The following SHTN1 variants were observed in gnomAD, a reference collection of about 807,000 sequenced individuals.
The protein encoded by SHTN1 is shootin 1.
A neutral mutation model predicts 83.1 loss-of-function variants in SHTN1; 42 were observed. The observed-to-expected ratio is 0.51, with a 90% confidence interval of 0.39 to 0.65. The LOEUF is 0.65. Ranked by LOEUF, SHTN1 falls within the 30% of genes least tolerant of loss-of-function variation. SHTN1 has a pLI of 0.00. For synonymous variants in SHTN1, 224 were observed against 247.7 expected (o/e 0.90, Z 0.90); for missense variants, 622 against 737.8 (o/e 0.84, Z 1.82).
intron 14 of SHTN1, chr10:116,911,403 A>G (rs946561863): frequency 1.3e-6 from 2 of 1,492,336 alleles, no homozygotes; most frequent in Non-Finnish European, 9.0e-7. Context: ...TTAGCTTCAC[A>G]TTTAGGATTC....
chr10:117,065,913 GA>G (rs1447156468), intron 1 of SHTN1, among the ~76,000 whole-genome samples: 4 of 123,294 alleles, frequency 3.2e-5, no homozygotes, highest in African/African-American at 5.9e-5. Flanking sequence ...GGGGAGGGGG[GA>G]AAAATTAGGC....
chr10:117,089,249 G>A (rs1853394047), intron 1 of SHTN1, among the ~76,000 whole-genome samples: 1 of 152,140 alleles, frequency 6.6e-6, no homozygotes, highest in East Asian at 1.9e-4. Context: ...TATGTGGTGT[G>A]TACATTTTTC....
chr10:117,099,475 T>C (rs1262033587), intron 1 of SHTN1, among the ~76,000 whole-genome samples: 1 of 152,208 alleles, frequency 6.6e-6, no homozygotes. Context: ...ATCACTTCAC[T>C]GATTTTGCTC....
chr10:117,004,944 G>T, intron 1 of SHTN1, 78 bp downstream of exon 1: 1 of 1,373,576 alleles, frequency 7.3e-7, no homozygotes, highest in Non-Finnish European at 1.0e-6. Context: ...GCTTCCAACT[G>T]CCCTGGCCCC....
rs138597549 is a variant in SHTN1 at position 117,029,720 on chromosome 10, C to T, written c.-123+18725G>A. ...CTCCAGCCTTCTGAAGTGCTGGCTC[C>T]CCCATCGCTTTCTGCCATGATTGCA... On this transcript the variant is annotated intron_variant, in intron 2 of 17. Coordinates refer to the SHTN1 transcript ENST00000392901. Among the ~76,000 whole-genome samples the T allele has an allele frequency of 5.4e-3, 827 of 152,214 alleles. 11 individuals carry two copies. The highest frequency in any genetic ancestry group is 0.019 in the African/African-American group (778 of 41,518).
intron 2 of SHTN1, among the ~76,000 whole-genome samples, chr10:117,034,558 T>A (rs1270453340): frequency 6.6e-6 from 1 of 152,036 alleles, no homozygotes; most frequent in Non-Finnish European, 1.5e-5. Context: ...GGAGAATCGC[T>A]TGAACCTGGG....
chr10:117,007,659 T>C (rs1852043401), upstream of SHTN1, among the ~76,000 whole-genome samples: 1 of 151,638 alleles, frequency 6.6e-6, no homozygotes, highest in South Asian at 2.1e-4. Context: ...TTATTGGGAT[T>C]CAGTTCTCCC....
At chr10:116,894,007 G>A (rs890548816) in intron 16 of SHTN1, among the ~76,000 whole-genome samples, 3 of 152,106 alleles carry the variant, frequency 2.0e-5, no homozygotes, top group African/African-American at 7.2e-5. Context: ...CAGAAATACT[G>A]AATGAAGAGA....
intron 16 of SHTN1, among the ~76,000 whole-genome samples, chr10:116,892,917 C>G (rs2133306320): frequency 6.6e-6 from 1 of 152,258 alleles, no homozygotes; most frequent in South Asian, 2.1e-4. Flanking sequence ...GTACCGAAAG[C>G]AATTTGGTTC....
At chr10:117,040,874 A>G (rs1217676690) in intron 2 of SHTN1, among the ~76,000 whole-genome samples, 2 of 151,980 alleles carry the variant, frequency 1.3e-5, no homozygotes, top group South Asian at 4.1e-4. Flanking sequence ...TTCTCATGCC[A>G]TATTAAAATA....
At chr10:116,893,102 T>C (rs1245528006) in intron 16 of SHTN1, among the ~76,000 whole-genome samples, 1 of 152,236 alleles carries the variant, frequency 6.6e-6, no homozygotes, top group Non-Finnish European at 1.5e-5. Flanking sequence ...ATTTTTACAC[T>C]AGGTGTAATA....
upstream of SHTN1, among the ~76,000 whole-genome samples, chr10:117,009,519 G>C (rs991244667): frequency 2.0e-5 from 3 of 152,004 alleles, no homozygotes; most frequent in Non-Finnish European, 4.4e-5. Flanking sequence ...ATTAATATCA[G>C]ACAAAACAGA....
At chr10:116,888,448 G>C (rs1245644123) in intron 16 of SHTN1, among the ~76,000 whole-genome samples, 1 of 152,210 alleles carries the variant, frequency 6.6e-6, no homozygotes, top group Non-Finnish European at 1.5e-5. Context: ...TAAATCTGCT[G>C]CTTCTGCGTC....
At chr10:116,932,892 G>A (rs1316617317) in intron 9 of SHTN1, among the ~76,000 whole-genome samples, 2 of 152,170 alleles carry the variant, frequency 1.3e-5, no homozygotes, top group Non-Finnish European at 2.9e-5. Context: ...CAATTCAGTA[G>A]GTTCTAGGCA....
intron 1 of SHTN1, among the ~76,000 whole-genome samples, chr10:117,105,099 C>T (rs1286248347): frequency 1.3e-5 from 2 of 152,074 alleles, no homozygotes; most frequent in African/African-American, 4.8e-5. Flanking sequence ...CTGTCCTAGA[C>T]ACTGAGCCCA....
At chr10:116,978,361 AT>A (rs1850883760) in intron 2 of SHTN1, among the ~76,000 whole-genome samples, 1 of 152,202 alleles carries the variant, frequency 6.6e-6, no homozygotes, top group Admixed American at 6.5e-5. Flanking sequence ...TAGAGCAGTG[AT>A]GGCTATCTTC....
intron 8 of SHTN1, among the ~76,000 whole-genome samples, chr10:116,942,147 T>C (rs1407219169): frequency 6.6e-6 from 1 of 152,180 alleles, no homozygotes; most frequent in Non-Finnish European, 1.5e-5. Flanking sequence ...TTCATCACAG[T>C]ATCTTAAACT....
chr10:116,978,845 G>A (rs952233523), intron 2 of SHTN1, among the ~76,000 whole-genome samples: 5 of 152,170 alleles, frequency 3.3e-5, no homozygotes, highest in Admixed American at 6.5e-5. Context: ...GTATTGGGGC[G>A]AAACACCAAT....
chr10:117,108,895 T>C (rs1853717281), intron 1 of SHTN1, among the ~76,000 whole-genome samples: 1 of 152,118 alleles, frequency 6.6e-6, no homozygotes, highest in African/African-American at 2.4e-5. Flanking sequence ...CTGTATATAT[T>C]GGGCAAATTC....
Sources: allele counts gnomAD v4.1 joint callset (sites outside exome capture counted in the v4.1 genomes callset), GRCh38; gene constraint gnomAD v4.1.1; transcripts MANE v1.5; gene names NCBI Gene and HGNC (gene_info 2026-07-23, HGNC 2026-07-21).